FOXN3: variants seen among roughly 807,000 people sequenced by gnomAD.
The protein encoded by FOXN3 is forkhead box protein N3.
FOXN3 carries 7 observed loss-of-function variants against 38.4 expected under a neutral mutation model. The observed-to-expected ratio is 0.18, with a 90% CI of 0.10 to 0.34. The LOEUF (loss-of-function observed/expected upper bound fraction) is 0.34, where lower values mean the gene tolerates loss of function less well. Among genes scored for constraint, FOXN3 ranks in the 10% least tolerant of loss-of-function variants. The probability of loss-of-function intolerance (pLI) is 1.00; values close to 1 mark genes in which losing one functional copy is unlikely to be tolerated. For missense variants in FOXN3, 456 were observed against 613.4 expected, an observed-to-expected ratio of 0.74 and a Z score of 2.71; for synonymous variants, 230 against 242.2, an observed-to-expected ratio of 0.95 and a Z score of 0.47.
At position 89,557,499 on chromosome 14, in the gene FOXN3, C is replaced by G. The variant is rs546638413; in HGVS notation, c.-15+61529G>C. Among the ~76,000 whole-genome samples the G allele has an allele frequency of 5.9e-5, 9 of 152,298 alleles. No individual in the cohort carries two copies. In the South Asian group the frequency reaches 1.9e-3, roughly 32 times the overall value. The stretch of plus-strand genomic sequence containing the variant: ...TTGCAGACACCTACCAGCACCACTA[C>G]TGGTTTCAGCCAGCCAGCCCCAGGA... On this transcript the variant is annotated intron_variant, in intron 1 of 6. Transcript: ENST00000345097.
At chr14:89,191,950 A>G (rs1382247214) in intron 4 of FOXN3, among the ~76,000 whole-genome samples, 1 of 120,026 alleles carries the variant, frequency 8.3e-6, no homozygotes, top group Non-Finnish European at 1.6e-5. Flanking sequence ...TGATATTAGT[A>G]TATATATATA....
chr14:89,306,492 G>A (rs1344506626), intron 3 of FOXN3, among the ~76,000 whole-genome samples: 1 of 152,016 alleles, frequency 6.6e-6, no homozygotes, highest in Non-Finnish European at 1.5e-5. Flanking sequence ...CTCAGCCTCT[G>A]AGTAGCTGGG....
chr14:89,418,133 C>A (rs1891803849), upstream of FOXN3, among the ~76,000 whole-genome samples: 1 of 152,148 alleles, frequency 6.6e-6, no homozygotes, highest in Non-Finnish European at 1.5e-5. Flanking sequence ...CAACAGGACA[C>A]CCTGGTGGTG....
chr14:89,266,857 A>C (rs943713049), intron 4 of FOXN3, among the ~76,000 whole-genome samples: 13 of 152,140 alleles, frequency 8.5e-5, no homozygotes, highest in African/African-American at 2.9e-4. Flanking sequence ...CAGGCCCTAA[A>C]ACAAAAGAGA....
At chr14:89,348,877 T>A (rs1024592289) in intron 3 of FOXN3, among the ~76,000 whole-genome samples, 1 of 152,164 alleles carries the variant, frequency 6.6e-6, no homozygotes, top group Non-Finnish European at 1.5e-5. Context: ...TCCTCTATAA[T>A]CCTTCGAATT....
chr14:89,279,887 C>T (rs187366081), intron 4 of FOXN3, among the ~76,000 whole-genome samples: 11 of 152,292 alleles, frequency 7.2e-5, no homozygotes, highest in Admixed American at 1.3e-4. Context: ...TGAGCTACTA[C>T]GGAAACCTGA....
intron 1 of FOXN3, among the ~76,000 whole-genome samples, chr14:89,477,990 AT>A (rs1238997448): frequency 2.6e-5 from 4 of 152,102 alleles, no homozygotes; most frequent in Non-Finnish European, 5.9e-5. Flanking sequence ...TAGTTTGGAT[AT>A]TTGTCCCCAC....
intron 4 of FOXN3, among the ~76,000 whole-genome samples, chr14:89,216,455 C>T (rs968681431): frequency 4.6e-5 from 7 of 152,128 alleles, no homozygotes; most frequent in African/African-American, 1.2e-4. Context: ...CAACCTAACC[C>T]GGGTGCCCAA....
At chr14:89,228,339 C>T (rs373186524) in intron 4 of FOXN3, among the ~76,000 whole-genome samples, 35 of 152,330 alleles carry the variant, frequency 2.3e-4, no homozygotes, top group African/African-American at 7.0e-4. Context: ...TGTTCTTCCA[C>T]GTTCTGGGTT....
At chr14:89,402,081 A>T (rs1430275149) in intron 2 of FOXN3, among the ~76,000 whole-genome samples, 2 of 152,202 alleles carry the variant, frequency 1.3e-5, no homozygotes, top group Admixed American at 6.5e-5. Context: ...GTTATTACTA[A>T]AAGAACGACT....
chr14:89,332,331 A>G (rs1888274571), intron 3 of FOXN3, among the ~76,000 whole-genome samples: 1 of 152,204 alleles, frequency 6.6e-6, no homozygotes, highest in Admixed American at 6.5e-5. Context: ...AACAGACTTC[A>G]TCTTTTAAGA....
intron 2 of FOXN3, among the ~76,000 whole-genome samples, chr14:89,380,542 T>C (rs1320655392): frequency 6.6e-6 from 1 of 152,234 alleles, no homozygotes; most frequent in Non-Finnish European, 1.5e-5. Context: ...ATGTTGACCA[T>C]GCAGTCCAGT....
intron 3 of FOXN3, among the ~76,000 whole-genome samples, chr14:89,295,905 T>A (rs918593653): frequency 2.0e-5 from 3 of 151,910 alleles, no homozygotes; most frequent in African/African-American, 7.3e-5. Flanking sequence ...CCAGGATTTT[T>A]AAAACATCTC....
chr14:89,266,315 A>C (rs1885976954), intron 4 of FOXN3, among the ~76,000 whole-genome samples: 1 of 152,170 alleles, frequency 6.6e-6, no homozygotes, highest in South Asian at 2.1e-4. Context: ...GCCTTTCCTC[A>C]GTACATGTAC....
intron 1 of FOXN3, among the ~76,000 whole-genome samples, chr14:89,602,247 C>T (rs1896166221): frequency 6.6e-6 from 1 of 151,720 alleles, no homozygotes; most frequent in South Asian, 2.1e-4. Context: ...CGAGATCACA[C>T]CACTGCACTC....
chr14:89,381,666 CTG>C (rs1315433538), intron 2 of FOXN3, among the ~76,000 whole-genome samples: 1 of 151,728 alleles, frequency 6.6e-6, no homozygotes, highest in African/African-American at 2.4e-5. Flanking sequence ...TGAGAACAGA[CTG>C]TGCAACATAG....
At chr14:89,451,434 C>T (rs1054054993) in intron 1 of FOXN3, among the ~76,000 whole-genome samples, 3 of 152,196 alleles carry the variant, frequency 2.0e-5, no homozygotes, top group Non-Finnish European at 2.9e-5. Context: ...GCCTACGGCC[C>T]GTCGGTCAAC....
At chr14:89,360,667 C>A (rs1244835762) in intron 2 of FOXN3, among the ~76,000 whole-genome samples, 2 of 151,672 alleles carry the variant, frequency 1.3e-5, no homozygotes, top group South Asian at 2.1e-4. Flanking sequence ...GCCGCAGGTT[C>A]CCCCATGTTT....
intron 4 of FOXN3, among the ~76,000 whole-genome samples, chr14:89,275,669 G>A (rs1886277018): frequency 6.6e-6 from 1 of 152,228 alleles, no homozygotes; most frequent in African/African-American, 2.4e-5. Context: ...GAGTTGTGGA[G>A]AAGGGGTGAT....
Sources: allele counts gnomAD v4.1 joint callset (sites outside exome capture counted in the v4.1 genomes callset), GRCh38; gene constraint gnomAD v4.1.1; transcripts MANE v1.5; gene names NCBI Gene and HGNC (gene_info 2026-07-23, HGNC 2026-07-21).